GET1: variants seen among roughly 807,000 people sequenced by gnomAD.
GET1 encodes guided entry of tail-anchored proteins factor 1.
In GET1, 20 loss-of-function variants were observed where a neutral mutation model predicts 22.6. That is an observed-to-expected ratio of 0.89 (90% CI 0.62 to 1.29). GET1 has a LOEUF of 1.29. GET1 is among the 50% of genes most tolerant of loss of function. The pLI is 0.00. For synonymous variants in GET1, 92 were observed against 83.8 expected, an observed-to-expected ratio of 1.10 and a Z score of -0.53; for missense variants, 209 against 219.9, an observed-to-expected ratio of 0.95 and a Z score of 0.31.
At chr21:39,407,276 A>C (rs1307179522), downstream of GET1, among the ~76,000 whole-genome samples, 1 of 152,194 alleles carries the variant, frequency 6.6e-6, no homozygotes, top group African/African-American at 2.4e-5. Flanking sequence ...ACAGAACAGG[A>C]CACAATGAGA....
chr21:39,388,952 T>C (rs1485292258), intron 1 of GET1, among the ~76,000 whole-genome samples: 3 of 152,174 alleles, frequency 2.0e-5, no homozygotes, highest in Non-Finnish European at 2.9e-5. Context: ...GGGAGCGTGC[T>C]TCTTTGTTTA....
intron 1 of GET1, among the ~76,000 whole-genome samples, chr21:39,389,261 C>T (rs990716940): frequency 6.6e-6 from 1 of 152,050 alleles, no homozygotes; most frequent in African/African-American, 2.4e-5. Context: ...CATGAGACAC[C>T]GAACCTGGCC....
chr21:39,381,219 CG>C (rs1463744498), intron 1 of GET1, among the ~76,000 whole-genome samples: 1 of 151,928 alleles, frequency 6.6e-6, no homozygotes, highest in Non-Finnish European at 1.5e-5. Context: ...TTGGACAGGG[CG>C]TGGTGGGGTG....
At chr21:39,427,619 G>T (rs1184399780) in intron 1 of GET1, 1 of 148,132 alleles carries the variant, frequency 6.8e-6, no homozygotes, top group Non-Finnish European at 1.5e-5. Context: ...CCGAGATGGC[G>T]CCACTGCACT....
intron 3 of GET1, among the ~76,000 whole-genome samples, chr21:39,392,479 A>T (rs758041888): frequency 6.6e-6 from 1 of 150,996 alleles, no homozygotes; most frequent in Non-Finnish European, 1.5e-5. Flanking sequence ...ATATTGAAGG[A>T]AATTAATTCT....
At chr21:39,415,080 T>C (rs2040899498) in intron 1 of GET1, among the ~76,000 whole-genome samples, 1 of 152,146 alleles carries the variant, frequency 6.6e-6, no homozygotes, top group Non-Finnish European at 1.5e-5. Flanking sequence ...TTCTAAATTT[T>C]TTTGTAGAGA....
downstream of GET1, among the ~76,000 whole-genome samples, chr21:39,398,343 A>G (rs143606116): frequency 3.0e-3 from 450 of 152,312 alleles, 2 homozygotes; most frequent in African/African-American, 9.6e-3. Context: ...TGGACAGTCA[A>G]CAGTGCACCG....
At chr21:39,419,523 C>CAAAAAAAAAAAAAAA in intron 1 of GET1, among the ~76,000 whole-genome samples, 1 of 123,552 alleles carries the variant, frequency 8.1e-6, no homozygotes, top group Admixed American at 8.0e-5. Flanking sequence ...AGACCCTGTT[C>CAAAAAAAAAAAAAAA]AAAAAAAAAA....
intron 4 of GET1, among the ~76,000 whole-genome samples, chr21:39,394,787 T>G (rs1433712362): frequency 1.3e-5 from 2 of 152,138 alleles, no homozygotes; most frequent in African/African-American, 4.8e-5. Flanking sequence ...GCCATCACTG[T>G]GGGGGGTAGC....
chr21:39,425,050 T>C (rs973354582), intron 1 of GET1, among the ~76,000 whole-genome samples: 3 of 152,206 alleles, frequency 2.0e-5, no homozygotes, highest in Non-Finnish European at 4.4e-5. Flanking sequence ...TAGAGGTATA[T>C]GTATGTGTGC....
Position 39,390,872 on chromosome 21 carries a change from TC to T in GET1, c.268+12del. 6.2e-7 allele frequency: 1 copy of T among 1,613,868 alleles called. No individual in the cohort carries two copies. The highest frequency in any genetic ancestry group is 1.3e-5 in the African/African-American group (1 of 75,026). On this transcript the variant is annotated intron_variant, in intron 2 of 4. Transcript: ENST00000649170. ...TAAGCTCAAAACCCATGGTACTGTG[TC>T]CCTTGCAGCCTGGAGGCTTCATGAG...
At chr21:39,391,203 A>G in intron 2 of GET1, 1 of 237,816 alleles carries the variant, frequency 4.2e-6, no homozygotes, top group East Asian at 1.1e-4. Context: ...GTGGATTCCC[A>G]GAGGCTTTTG....
At chr21:39,408,973 T>C (rs2039590560), downstream of GET1, among the ~76,000 whole-genome samples, 1 of 152,244 alleles carries the variant, frequency 6.6e-6, no homozygotes, top group Non-Finnish European at 1.5e-5. Flanking sequence ...TATTTAAGGA[T>C]ACTATTATGA....
At chr21:39,422,834 G>T in intron 1 of GET1, 2 of 776,956 alleles carry the variant, frequency 2.6e-6, no homozygotes, top group East Asian at 2.5e-5. Context: ...CCCTCTATTA[G>T]ACAACATAAT....
At chr21:39,396,518 ACT>A (rs1164318399) in intron 4 of GET1, among the ~76,000 whole-genome samples, 5 of 148,260 alleles carry the variant, frequency 3.4e-5, no homozygotes, top group African/African-American at 1.3e-4. Context: ...ACAGAGCGAG[ACT>A]CTGTCTCAAA....
chr21:39,410,432 A>G, downstream of GET1: 1 of 836,400 alleles, frequency 1.2e-6, no homozygotes, highest in Non-Finnish European at 1.9e-6. Flanking sequence ...TTGATTTTAA[A>G]CATAAAATAA....
intron 1 of GET1, among the ~76,000 whole-genome samples, chr21:39,417,926 T>G (rs962229510): frequency 1.3e-5 from 2 of 152,056 alleles, no homozygotes; most frequent in Non-Finnish European, 2.9e-5. Context: ...CCACCATGCC[T>G]GGTTAATTTT....
At chr21:39,389,050 G>A (rs1158010408) in intron 1 of GET1, among the ~76,000 whole-genome samples, 2 of 151,996 alleles carry the variant, frequency 1.3e-5, no homozygotes, top group African/African-American at 4.8e-5. Flanking sequence ...TCTCCGAGAC[G>A]CCTGCCTGCC....
chr21:39,382,973 T>C (rs2037644898), intron 1 of GET1, among the ~76,000 whole-genome samples: 1 of 152,026 alleles, frequency 6.6e-6, no homozygotes, highest in African/African-American at 2.4e-5. Context: ...TTTTTTGAGA[T>C]GGAGTCTTGC....
Sources: allele counts gnomAD v4.1 joint callset (sites outside exome capture counted in the v4.1 genomes callset), GRCh38; gene constraint gnomAD v4.1.1; transcripts MANE v1.5; gene names NCBI Gene and HGNC (gene_info 2026-07-23, HGNC 2026-07-21).